DOCK10: variants seen among roughly 807,000 people sequenced by gnomAD.
DOCK10 encodes the protein dedicator of cytokinesis 10.
A neutral mutation model predicts 280.1 loss-of-function variants in DOCK10; 145 were observed. That is an observed-to-expected ratio of 0.52 (90% confidence interval 0.45 to 0.59). DOCK10 has a LOEUF of 0.59. Among genes scored for constraint, DOCK10 ranks in the 20% least tolerant of loss-of-function variants. The probability of loss-of-function intolerance (pLI) is 0.00; values close to 1 mark genes in which losing one functional copy is unlikely to be tolerated. For synonymous variants in DOCK10, 915 were observed against 942.2 expected (o/e 0.97, Z 0.53); for missense variants, 2,368 against 2,651.7 (o/e 0.89, Z 2.35).
chr2:224,961,310 A>T (rs1459541583), intron 1 of DOCK10, among the ~76,000 whole-genome samples: 2 of 152,202 alleles, frequency 1.3e-5, no homozygotes, highest in African/African-American at 4.8e-5. Flanking sequence ...AGAATTCCTC[A>T]GAGCTCCAAT....
At chr2:224,829,865 C>A (rs6713274) in intron 27 of DOCK10, among the ~76,000 whole-genome samples, 2 of 151,896 alleles carry the variant, frequency 1.3e-5, no homozygotes, top group African/African-American at 2.4e-5. Context: ...CATCAGGGTC[C>A]CTCTTCTAAG....
intron 3 of DOCK10, among the ~76,000 whole-genome samples, chr2:224,914,694 C>T (rs1701215719): frequency 6.6e-6 from 1 of 152,042 alleles, no homozygotes; most frequent in Non-Finnish European, 1.5e-5. Context: ...TGAAAGAATA[C>T]TAAGGTCTCC....
At chr2:224,907,879 C>T (rs1700753758) in intron 3 of DOCK10, among the ~76,000 whole-genome samples, 1 of 152,156 alleles carries the variant, frequency 6.6e-6, no homozygotes, top group Admixed American at 6.5e-5. Flanking sequence ...CTGGTGATCT[C>T]CTTGGATCAC....
chr2:224,974,831 T>A (rs951522452), intron 1 of DOCK10, among the ~76,000 whole-genome samples: 7 of 134,782 alleles, frequency 5.2e-5, no homozygotes, highest in African/African-American at 1.5e-4. Context: ...TATATATATA[T>A]TATATATAAC....
chr2:224,925,475 C>T (rs1322159682), intron 2 of DOCK10, among the ~76,000 whole-genome samples: 1 of 152,160 alleles, frequency 6.6e-6, no homozygotes, highest in Non-Finnish European at 1.5e-5. Context: ...GATAATGAGA[C>T]TCTTAGGTGA....
intron 3 of DOCK10, among the ~76,000 whole-genome samples, chr2:224,903,428 A>C (rs1485482445): frequency 6.6e-6 from 1 of 152,254 alleles, no homozygotes; most frequent in East Asian, 1.9e-4. Context: ...ATTTTCATTC[A>C]GTATTTTATT....
chr2:224,916,910 A>C (rs1701360524), intron 2 of DOCK10, 126 bp from the exon 3 acceptor site: 1 of 681,276 alleles, frequency 1.5e-6, no homozygotes, highest in Non-Finnish European at 2.5e-6. Context: ...AGACAGAGAC[A>C]CTTCTGTAGT....
intron 40 of DOCK10, among the ~76,000 whole-genome samples, chr2:224,800,466 A>G (rs919075748): frequency 5.9e-5 from 9 of 152,166 alleles, no homozygotes; most frequent in African/African-American, 1.9e-4. Context: ...CCCTTTCCAT[A>G]TATCAGTTGC....
rs1370309945 is a variant in DOCK10, at chr2:224,948,310, C to T, written c.124-16642G>A. Among the ~76,000 whole-genome samples the T allele has an allele frequency of 2.6e-5, 4 of 152,130 alleles. No homozygotes were observed. The East Asian group carries it at 5.8e-4, about 22-fold the overall frequency. ...AACCAATCAGAAAAATAGCATGATG[C>T]TATAAAATGACAGCTGGGGAGATAA... On this transcript the variant is annotated intron_variant, in intron 1 of 55. Coordinates refer to ENST00000258390, the MANE Select transcript of DOCK10 (RefSeq NM_014689.3).
At chr2:224,863,467 T>C (rs1036229008) in intron 13 of DOCK10, among the ~76,000 whole-genome samples, 2 of 152,278 alleles carry the variant, frequency 1.3e-5, no homozygotes, top group South Asian at 2.1e-4. Context: ...CTTTTTTTTT[T>C]AGACGGAGTC....
chr2:224,870,667 C>T (rs1698211171), intron 11 of DOCK10, among the ~76,000 whole-genome samples: 1 of 152,078 alleles, frequency 6.6e-6, no homozygotes, highest in Non-Finnish European at 1.5e-5. Flanking sequence ...TCTTTGGTCA[C>T]TTCTCTATTC....
intron 1 of DOCK10, among the ~76,000 whole-genome samples, chr2:224,966,915 C>T (rs923434093): frequency 1.3e-5 from 2 of 151,754 alleles, no homozygotes; most frequent in East Asian, 3.9e-4. Context: ...AAAGTAGAGG[C>T]TCACATTTCA....
intron 39 of DOCK10, among the ~76,000 whole-genome samples, chr2:224,802,880 T>C (rs1693112606): frequency 6.6e-6 from 1 of 152,088 alleles, no homozygotes; most frequent in Admixed American, 6.5e-5. Context: ...GTCTTCTCTT[T>C]CTCCCACTTT....
chr2:225,028,228 C>A (rs779215859), intron 1 of DOCK10, among the ~76,000 whole-genome samples: 24 of 152,020 alleles, frequency 1.6e-4, no homozygotes, highest in Non-Finnish European at 2.8e-4. Context: ...AAAGCAGAAG[C>A]GTGGGTCCGA....
chr2:224,789,211 C>A (rs1363975094), intron 47 of DOCK10, 41 bp from the exon 48 acceptor site: 4 of 1,405,096 alleles, frequency 2.8e-6, no homozygotes, highest in Admixed American at 1.8e-5. Context: ...TTATTTGAGA[C>A]AAATTTTGCT....
At position 224,987,773 on chromosome 2, in the gene DOCK10, T is replaced by C. The variant is rs542322802; in HGVS notation, c.123+54479A>G. Among the ~76,000 whole-genome samples, 477 of 152,134 alleles carry C rather than the reference T, an allele frequency of 3.1e-3. 2 individuals carry two copies. Among genetic ancestry groups the C allele is most frequent in the African/African-American group, 0.011 (455 of 41,504 alleles). On this transcript the variant is annotated intron_variant, in intron 1 of 55. Transcript: ENST00000258390. Reference sequence around the variant, plus strand: ...CTAAGTAGACCTCTCTTAGTTTGGGTTAATTTACAGTGAGACTGACAGAAC... The same window carrying C: ...CTAAGTAGACCTCTCTTAGTTTGGGCTAATTTACAGTGAGACTGACAGAAC...
At chr2:225,003,427 T>A (rs1274262800) in intron 1 of DOCK10, among the ~76,000 whole-genome samples, 4 of 152,208 alleles carry the variant, frequency 2.6e-5, no homozygotes, top group Non-Finnish European at 5.9e-5. Context: ...TGGGACCTTT[T>A]ATGATTCCAC....
chr2:224,844,616 A>T lies in DOCK10; in HGVS notation c.2568+137T>A, dbSNP rs970003530. 2.0e-5 allele frequency: 13 copies of T among 644,122 alleles called. No individual in the cohort carries two copies. The African/African-American group carries it at 2.2e-4, about 11-fold the overall frequency. The allele number at this position is 644,122 out of a possible 1,614,324, so 39.9% of individuals were successfully genotyped here. ...GGAGGCATCAAATTATGCCCTTAAC[A>T]TTCTTCCTTTGTAGTATTCAAACAC... On this transcript the variant is annotated intron_variant, in intron 22 of 55. Coordinates refer to ENST00000258390, the MANE Select transcript of DOCK10 (RefSeq NM_014689.3).
intron 31 of DOCK10, among the ~76,000 whole-genome samples, chr2:224,810,949 G>C (rs1349833172): frequency 6.6e-6 from 1 of 152,028 alleles, no homozygotes; most frequent in Non-Finnish European, 1.5e-5. Flanking sequence ...AAACATACGT[G>C]TGCATGTGTC....
Sources: allele counts gnomAD v4.1 joint callset (sites outside exome capture counted in the v4.1 genomes callset), GRCh38; gene constraint gnomAD v4.1.1; transcripts MANE v1.5; gene names NCBI Gene and HGNC (gene_info 2026-07-23, HGNC 2026-07-21).